The following ATIC variants were observed in gnomAD, a reference collection of about 807,000 sequenced individuals.
The protein encoded by ATIC is 5-aminoimidazole-4-carboxamide ribonucleotide formyltransferase/IMP cyclohydrolase, also known as bifunctional purine biosynthesis protein ATIC.
A neutral mutation model predicts 72.5 loss-of-function variants in ATIC; 64 were observed. The observed-to-expected ratio is 0.88, with a 90% CI of 0.72 to 1.09. ATIC has a LOEUF of 1.09. Among genes scored for constraint, ATIC ranks in the 50% least tolerant of loss-of-function variants. ATIC has a pLI of 0.00. For missense variants in ATIC, 787 were observed against 732.4 expected (o/e 1.07, Z -0.86); for synonymous variants, 281 against 267.1 (o/e 1.05, Z -0.51).
chr2:215,312,293 C>T (rs1575110761), intron 1 of ATIC, 132 bp downstream of exon 1: 13 of 1,441,824 alleles, frequency 9.0e-6, no homozygotes, highest in South Asian at 1.4e-5. Context: ...GTCCCCGCTC[C>T]CCGGCCGGGC....
intron 11 of ATIC, 56 bp downstream of exon 11, chr2:215,336,180 C>T (rs933675350): frequency 6.7e-6 from 9 of 1,345,266 alleles, no homozygotes; most frequent in Non-Finnish European, 9.6e-6. Flanking sequence ...GTGTCTCTTT[C>T]TCCCTTGTTT....
At chr2:215,348,967 A>T (rs77950312) in intron 14 of ATIC, 127 bp from the exon 15 acceptor site, 3 of 778,928 alleles carry the variant, frequency 3.9e-6, no homozygotes, top group Non-Finnish European at 3.7e-6. Context: ...AAAAAAAAAA[A>T]ATAATAATAA....
At chr2:215,334,086 AAC>A (rs34790659) in intron 9 of ATIC, among the ~76,000 whole-genome samples, 33,078 of 151,374 alleles carry the variant, frequency 0.22, 3,827 homozygotes, top group East Asian at 0.5. Context: ...AATAAATGGA[AAC>A]ACAATTGGAA....
chr2:215,350,810 T>A (rs2106051117), downstream of ATIC, among the ~76,000 whole-genome samples: 1 of 152,304 alleles, frequency 6.6e-6, no homozygotes, highest in East Asian at 1.9e-4. Context: ...TTCCCGTGCA[T>A]TGCACCTGTG....
In ATIC at chr2:215,347,027, C is replaced by T. The variant is rs2053079371; in HGVS notation, c.1503+86C>T. 6 of 1,464,026 alleles carry T rather than the reference C, an allele frequency of 4.1e-6. No individual in the cohort carries two copies. In the South Asian group the frequency reaches 7.1e-5, roughly 17 times the overall value. The allele number at this position is 1,464,026 out of a possible 1,614,324, so 90.7% of individuals were successfully genotyped here. On this transcript the variant is annotated intron_variant, in intron 14 of 15. Coordinates refer to ENST00000236959, the MANE Select transcript of ATIC (RefSeq NM_004044.7). ...AACAGATTTTAACTTCATCACCACA[C>T]AGAGAAAAAGATACTTTCATTGAAA...
the ATIC span, among the ~76,000 whole-genome samples, chr2:215,359,031 T>G: frequency 6.6e-6 from 1 of 152,174 alleles, no homozygotes; most frequent in Non-Finnish European, 1.5e-5. Flanking sequence ...CACAGGCATG[T>G]GCCACCATGC....
At chr2:215,325,876 A>G in intron 5 of ATIC, 111 bp from the exon 6 acceptor site, 6 of 1,385,990 alleles carry the variant, frequency 4.3e-6, no homozygotes, top group Non-Finnish European at 6.0e-6. Flanking sequence ...TATTTTCCTG[A>G]TTTTTAAGTC....
the ATIC span, among the ~76,000 whole-genome samples, chr2:215,359,386 CAG>C: frequency 1.3e-5 from 2 of 152,210 alleles, no homozygotes; most frequent in South Asian, 2.1e-4. Context: ...ACATGTGTCT[CAG>C]GGGGTTGTCC....
At chr2:215,359,975 G>A in the ATIC span, among the ~76,000 whole-genome samples, 2 of 151,934 alleles carry the variant, frequency 1.3e-5, no homozygotes, top group East Asian at 3.9e-4. Flanking sequence ...GTCTTGCTCT[G>A]TCCCCCATGC....
intron 2 of ATIC, among the ~76,000 whole-genome samples, chr2:215,316,164 G>A (rs1189815730): frequency 1.3e-5 from 2 of 152,058 alleles, no homozygotes; most frequent in Non-Finnish European, 2.9e-5. Context: ...CAGTTCAAAG[G>A]AGTAGCAAGC....
At chr2:215,336,199 C>A in intron 11 of ATIC, 75 bp downstream of exon 11, 1 of 1,114,592 alleles carries the variant, frequency 9.0e-7, no homozygotes, top group Non-Finnish European at 1.4e-6. Context: ...TTACTCTTTC[C>A]TTTATACTCA....
At chr2:215,351,456 A>G (rs1209246654), downstream of ATIC, among the ~76,000 whole-genome samples, 2 of 152,204 alleles carry the variant, frequency 1.3e-5, no homozygotes, top group South Asian at 2.1e-4. Context: ...AAAGGTTAAC[A>G]TTAAGGGTAT....
downstream of ATIC, among the ~76,000 whole-genome samples, chr2:215,353,089 G>C (rs1006155148): frequency 1.3e-5 from 2 of 152,082 alleles, no homozygotes; most frequent in African/African-American, 4.8e-5. Context: ...TATATTTGAG[G>C]TTAAAAACAC....
At chr2:215,351,823 A>G (rs1189482429), downstream of ATIC, among the ~76,000 whole-genome samples, 1 of 152,232 alleles carries the variant, frequency 6.6e-6, no homozygotes, top group Non-Finnish European at 1.5e-5. Context: ...ACTACAGTGG[A>G]GAAAACTGAC....
intron 7 of ATIC, among the ~76,000 whole-genome samples, chr2:215,330,185 T>A (rs960510593): frequency 6.6e-6 from 1 of 152,188 alleles, no homozygotes; most frequent in South Asian, 2.1e-4. Flanking sequence ...GTGTTTTGTT[T>A]TATTATGCCT....
chr2:215,365,706 C>T, the ATIC span: 10 of 1,436,740 alleles, frequency 7.0e-6, no homozygotes, highest in South Asian at 3.5e-5. Context: ...TGAACTGGGA[C>T]GTGTCACAGG....
chr2:215,344,175 A>G (rs1044913071), intron 12 of ATIC, among the ~76,000 whole-genome samples: 4 of 152,176 alleles, frequency 2.6e-5, no homozygotes, highest in African/African-American at 7.2e-5. Context: ...TTTGGAATGG[A>G]TATGGTAGTT....
At chr2:215,362,021 G>A in the ATIC span, 5 of 1,614,050 alleles carry the variant, frequency 3.1e-6, no homozygotes, top group African/African-American at 1.3e-5. Context: ...GGACTGGCCA[G>A]TAGTGCCTTC....
At chr2:215,361,272 C>A in the ATIC span, 1 of 386,198 alleles carries the variant, frequency 2.6e-6, no homozygotes, top group Non-Finnish European at 4.8e-6. Flanking sequence ...TCCTATTGAT[C>A]CCAAACCAAA....
Sources: gnomAD v4.1 joint callset for allele counts (sites outside exome capture counted in the v4.1 genomes callset) on GRCh38, gnomAD v4.1.1 for gene constraint, MANE v1.5 for transcripts, NCBI Gene and HGNC (gene_info 2026-07-23, HGNC 2026-07-21) for gene names.